NEK1: variants seen among roughly 807,000 people sequenced by gnomAD.
NEK1 encodes NIMA related kinase 1.
A neutral mutation model predicts 182.1 loss-of-function variants in NEK1; 137 were observed. That is an observed-to-expected ratio of 0.75 (90% CI 0.65 to 0.87). The LOEUF is 0.87. Ranked by LOEUF, NEK1 falls within the 40% of genes least tolerant of loss-of-function variation. The pLI is 0.00. For missense variants in NEK1, 1,391 were observed against 1,494.4 expected, an observed-to-expected ratio of 0.93 and a Z score of 1.14; for synonymous variants, 513 against 492.2, an observed-to-expected ratio of 1.04 and a Z score of -0.56.
At chr4:169,499,339 G>T (rs1398922131) in intron 23 of NEK1, among the ~76,000 whole-genome samples, 3 of 151,896 alleles carry the variant, frequency 2.0e-5, no homozygotes, top group Non-Finnish European at 4.4e-5. Context: ...TCTTTGCCAT[G>T]GGTTCGAACT....
At chr4:169,550,183 C>A (rs747509177) in intron 18 of NEK1, among the ~76,000 whole-genome samples, 6 of 152,046 alleles carry the variant, frequency 3.9e-5, no homozygotes, top group African/African-American at 1.5e-4. Flanking sequence ...ATAAGTCTCA[C>A]GAGATCTGAT....
intron 19 of NEK1, among the ~76,000 whole-genome samples, chr4:169,524,967 C>T (rs1756673721): frequency 6.6e-6 from 1 of 152,180 alleles, no homozygotes; most frequent in African/African-American, 2.4e-5. Flanking sequence ...CGAATGCTTA[C>T]TATCTGGCCC....
chr4:169,612,241 G>A lies in NEK1; in HGVS notation c.-192C>T, dbSNP rs1186628206. ...CCACACCTGACACTCGTCTTCAGTT[G>A]ATACCACGGGTTTGACTCCGTCCTG... On this transcript the variant is annotated 5_prime_UTR_variant, in exon 1 of 36. Transcript: ENST00000507142. The A allele has an allele frequency of 1.3e-5, 2 of 152,338 alleles. No homozygotes were observed. Among genetic ancestry groups the A allele is most frequent in the African/African-American group, 4.8e-5 (2 of 41,464 alleles). 9.4% of individuals were successfully genotyped at this position (152,338 alleles called of 1,614,324 possible).
At chr4:169,470,071 C>T (rs1025607942) in intron 26 of NEK1, among the ~76,000 whole-genome samples, 6 of 151,348 alleles carry the variant, frequency 4.0e-5, no homozygotes, top group African/African-American at 1.5e-4. Context: ...TGAGTCTTGA[C>T]TCTTTATCCA....
chr4:169,509,497 C>T (rs1236427785), intron 19 of NEK1, among the ~76,000 whole-genome samples: 3 of 151,992 alleles, frequency 2.0e-5, no homozygotes, highest in African/African-American at 4.8e-5. Context: ...TTTTTATTGG[C>T]TTATTGAATG....
Position 169,577,082 on chromosome 4 carries a change from A to G in NEK1, c.869-3T>C, listed in dbSNP as rs1354006612. 1 of 1,612,904 alleles carries G rather than the reference A, an allele frequency of 6.2e-7. No individual in the cohort carries two copies. The highest frequency in any genetic ancestry group is 8.5e-7 in the Non-Finnish European group (1 of 1,179,576). ...TTGTCCTGAAGCTGGTCTTTTAGCT[A>G]GATGAAAAGATACAAAGAATTTTGT... On this transcript the variant is annotated splice_region_variant and splice_polypyrimidine_tract_variant and intron_variant, in intron 11 of 35. Transcript: ENST00000507142.
At chr4:169,544,563 T>C (rs1293887732) in intron 18 of NEK1, among the ~76,000 whole-genome samples, 1 of 151,508 alleles carries the variant, frequency 6.6e-6, no homozygotes, top group Non-Finnish European at 1.5e-5. Flanking sequence ...TCTTTGTATC[T>C]CTGGTAGAAT....
At chr4:169,609,563 A>C (rs559075141) in intron 2 of NEK1, among the ~76,000 whole-genome samples, 1 of 152,168 alleles carries the variant, frequency 6.6e-6, no homozygotes, top group African/African-American at 2.4e-5. Flanking sequence ...AAGGAAATAC[A>C]TAAGTATATA....
chr4:169,479,198 T>C (rs1747528262), intron 24 of NEK1, among the ~76,000 whole-genome samples: 1 of 152,144 alleles, frequency 6.6e-6, no homozygotes, highest in Admixed American at 6.5e-5. Context: ...TTGTGATATA[T>C]TTTCATCTAC....
At chr4:169,532,052 G>A (rs1376387535) in intron 19 of NEK1, among the ~76,000 whole-genome samples, 1 of 152,164 alleles carries the variant, frequency 6.6e-6, no homozygotes, top group Non-Finnish European at 1.5e-5. Context: ...CAAAACTATA[G>A]TAACAGGAAA....
At chr4:169,457,590 A>G (rs1743133457) in intron 27 of NEK1, among the ~76,000 whole-genome samples, 1 of 150,694 alleles carries the variant, frequency 6.6e-6, no homozygotes, top group Non-Finnish European at 1.5e-5. Flanking sequence ...CATTGCTGTT[A>G]GAAAAAAGAA....
intron 10 of NEK1, among the ~76,000 whole-genome samples, chr4:169,583,736 G>A (rs1486388326): frequency 6.6e-6 from 1 of 152,186 alleles, no homozygotes; most frequent in African/African-American, 2.4e-5. Flanking sequence ...CATAATAAAA[G>A]TGTCCTCGCA....
chr4:169,439,571 A>G (rs570636411), intron 27 of NEK1, among the ~76,000 whole-genome samples: 37 of 152,322 alleles, frequency 2.4e-4, no homozygotes, highest in African/African-American at 8.7e-4. Flanking sequence ...AATCATGTCT[A>G]TTAACACCAG....
At chr4:169,586,672 AC>A in intron 9 of NEK1, among the ~76,000 whole-genome samples, 2 of 152,104 alleles carry the variant, frequency 1.3e-5, no homozygotes, top group Admixed American at 1.3e-4. Flanking sequence ...TCTGATAACC[AC>A]CATCCCACAT....
chr4:169,500,277 G>T (rs572797550), intron 23 of NEK1, among the ~76,000 whole-genome samples: 1 of 152,114 alleles, frequency 6.6e-6, no homozygotes, highest in Non-Finnish European at 1.5e-5. Context: ...GGAGTGACCC[G>T]ATTTTCCAGG....
chr4:169,590,241 G>A (rs1029592375), intron 6 of NEK1, among the ~76,000 whole-genome samples: 1 of 152,160 alleles, frequency 6.6e-6, no homozygotes, highest in African/African-American at 2.4e-5. Context: ...CTGGGAGGCG[G>A]AGGTTGTGGT....
intron 12 of NEK1, among the ~76,000 whole-genome samples, chr4:169,572,561 T>G (rs1370949499): frequency 6.6e-6 from 1 of 152,162 alleles, no homozygotes; most frequent in Non-Finnish European, 1.5e-5. Context: ...TTATAGATGT[T>G]ATCCATTAGA....
At chr4:169,450,838 C>T (rs150485205) in intron 27 of NEK1, among the ~76,000 whole-genome samples, 2,877 of 152,164 alleles carry the variant, frequency 0.019, 50 homozygotes, top group Middle Eastern at 0.1. Flanking sequence ...GGGCTAAATG[C>T]CCCAATTAAA....
intron 29 of NEK1, among the ~76,000 whole-genome samples, chr4:169,432,485 T>C (rs1012114987): frequency 2.0e-5 from 3 of 152,188 alleles, no homozygotes; most frequent in Non-Finnish European, 2.9e-5. Context: ...AGGAAACTTG[T>C]TGAGTTGTGG....
Sources: allele counts gnomAD v4.1 joint callset (sites outside exome capture counted in the v4.1 genomes callset), GRCh38; gene constraint gnomAD v4.1.1; transcripts MANE v1.5; gene names NCBI Gene and HGNC (gene_info 2026-07-23, HGNC 2026-07-21).